Variants in ELOVL2 observed in about 807,000 individuals in gnomAD.
ELOVL2 encodes ELOVL fatty acid elongase 2.
ELOVL2 carries 38 observed loss-of-function variants against 37.7 expected under a neutral mutation model. The observed-to-expected ratio is 1.01, with a 90% CI of 0.78 to 1.32. The LOEUF (loss-of-function observed/expected upper bound fraction) is 1.32, where lower values mean the gene tolerates loss of function less well. Among genes scored for constraint, ELOVL2 ranks in the 40% most tolerant of loss-of-function variants. The pLI is 0.00. For synonymous variants in ELOVL2, 115 were observed against 122.3 expected, an observed-to-expected ratio of 0.94 and a Z score of 0.40; for missense variants, 352 against 363.6, an observed-to-expected ratio of 0.97 and a Z score of 0.26.
intron 1 of ELOVL2, among the ~76,000 whole-genome samples, chr6:11,021,855 T>G (rs751125337): frequency 1.3e-5 from 2 of 152,206 alleles, no homozygotes; most frequent in Non-Finnish European, 2.9e-5. Flanking sequence ...CTCTGCAAAC[T>G]GGCAGGACAG....
chr6:11,009,390 C>G (rs1782534256), intron 2 of ELOVL2, among the ~76,000 whole-genome samples: 1 of 152,210 alleles, frequency 6.6e-6, no homozygotes, highest in South Asian at 2.1e-4. Flanking sequence ...GTGGTCATCT[C>G]TCTATCTGAA....
chr6:10,991,466 G>GTAT (rs1348084869), intron 5 of ELOVL2, among the ~76,000 whole-genome samples: 1 of 152,154 alleles, frequency 6.6e-6, no homozygotes, highest in Non-Finnish European at 1.5e-5. Context: ...TGGAAAATAG[G>GTAT]TATAATAATA....
At position 10,989,811 on chromosome 6, in the gene ELOVL2, G is replaced by A. The variant is rs1581858103; in HGVS notation, c.657C>T (p.His219=). 3.1e-6 allele frequency: 5 copies of A among 1,614,198 alleles called. No homozygotes were observed. The highest frequency in any genetic ancestry group is 2.2e-5 in the South Asian group (2 of 91,086). Residue 219 remains histidine, a synonymous_variant, in exon 7 of 8, where the codon CAC becomes CAT. Coordinates refer to ENST00000354666, the MANE Select transcript of ELOVL2 (RefSeq NM_017770.4). The part of the protein sequence containing the change: ...QLVQFVLTIT[H]TMSAVVKPCG... ...ACGGTTTCACGACGGCGCTCATGGTGTGCGTGATGGTGAGCACGAACTGCA... is the reference window on the plus strand; with the variant it reads ...ACGGTTTCACGACGGCGCTCATGGTATGCGTGATGGTGAGCACGAACTGCA...
intron 5 of ELOVL2, 54 bp downstream of exon 5, chr6:10,994,953 C>G: frequency 7.2e-7 from 1 of 1,381,778 alleles, no homozygotes; most frequent in African/African-American, 1.4e-5. Context: ...AAGACAGCAC[C>G]AGTGGTCTCT....
chr6:11,042,196 C>T (rs1251533844), intron 1 of ELOVL2, among the ~76,000 whole-genome samples: 1 of 151,962 alleles, frequency 6.6e-6, no homozygotes, highest in Middle Eastern at 3.2e-3. Flanking sequence ...GCCTGTAATC[C>T]CAGCTACTCA....
chr6:11,024,427 A>C (rs1332651659), intron 1 of ELOVL2, among the ~76,000 whole-genome samples: 1 of 152,192 alleles, frequency 6.6e-6, no homozygotes, highest in Non-Finnish European at 1.5e-5. Context: ...AATGTTCCTT[A>C]AGTAAATATA....
At chr6:11,019,894 C>T (rs1444605144) in intron 1 of ELOVL2, among the ~76,000 whole-genome samples, 1 of 151,582 alleles carries the variant, frequency 6.6e-6, no homozygotes, top group South Asian at 2.1e-4. Flanking sequence ...CAGGTGTGCA[C>T]CACCACGCCC....
At chr6:11,036,777 C>G (rs938128910) in intron 1 of ELOVL2, among the ~76,000 whole-genome samples, 2 of 152,204 alleles carry the variant, frequency 1.3e-5, no homozygotes, top group African/African-American at 2.4e-5. Context: ...TTGGAGAACA[C>G]TCTGCATAGA....
intron 1 of ELOVL2, among the ~76,000 whole-genome samples, chr6:11,037,078 G>T (rs560158625): frequency 6.8e-6 from 1 of 147,278 alleles, no homozygotes; most frequent in African/African-American, 2.5e-5. Flanking sequence ...GAGGCAGAGA[G>T]GGAAAGAGAC....
At chr6:11,029,223 CAAA>C (rs376639413) in intron 1 of ELOVL2, among the ~76,000 whole-genome samples, 1 of 75,802 alleles carries the variant, frequency 1.3e-5, no homozygotes, top group African/African-American at 5.2e-5. Flanking sequence ...AGGGAGATCT[CAAA>C]AAAAAAAAAA....
chr6:10,984,008 G>T (rs1781993896), intron 7 of ELOVL2, 102 bp from the exon 8 acceptor site: 6 of 1,134,974 alleles, frequency 5.3e-6, no homozygotes, highest in Non-Finnish European at 7.3e-6. Context: ...ATTTTGTTGG[G>T]CGCAGGATTT....
intron 1 of ELOVL2, among the ~76,000 whole-genome samples, chr6:11,043,048 G>A (rs994833424): frequency 6.6e-6 from 1 of 152,266 alleles, no homozygotes; most frequent in Non-Finnish European, 1.5e-5. Context: ...AAATGAAGCA[G>A]GCAAGGGGAA....
intron 5 of ELOVL2, among the ~76,000 whole-genome samples, chr6:10,990,724 A>G (rs1782145155): frequency 6.6e-6 from 1 of 151,106 alleles, no homozygotes; most frequent in Non-Finnish European, 1.5e-5. Flanking sequence ...TGTCTCTTTA[A>G]CCGTCACTAC....
intron 1 of ELOVL2, among the ~76,000 whole-genome samples, chr6:11,040,176 A>G (rs888709677): frequency 1.3e-5 from 2 of 152,236 alleles, no homozygotes; most frequent in African/African-American, 4.8e-5. Flanking sequence ...TGGTGGAATT[A>G]CTAACAGCAA....
At position 10,983,856 on chromosome 6, in the gene ELOVL2, C is replaced by T. The variant is rs1474336193; in HGVS notation, c.816G>A (p.Gly272=). The part of the protein sequence containing the change: ...MKKDMQEPPA[G]KEVKNGFSKA... ...TGGAAAAACCATTCTTCACTTCTTTCCCTGCAGGTGGCTCTTGCATATCTT... is the reference window on the plus strand; with the variant it reads ...TGGAAAAACCATTCTTCACTTCTTTTCCTGCAGGTGGCTCTTGCATATCTT... Residue 272 remains glycine, a synonymous_variant, in exon 8 of 8, where the codon GGG becomes GGA. Coordinates refer to ENST00000354666, the MANE Select transcript of ELOVL2 (RefSeq NM_017770.4). 1.9e-6 allele frequency: 3 copies of T among 1,613,864 alleles called. No homozygotes were observed. Among genetic ancestry groups the T allele is most frequent in the Non-Finnish European group, 2.5e-6 (3 of 1,179,952 alleles).
At chr6:11,011,217 T>A (rs1782574512) in intron 1 of ELOVL2, among the ~76,000 whole-genome samples, 1 of 151,784 alleles carries the variant, frequency 6.6e-6, no homozygotes, top group Admixed American at 6.6e-5. Context: ...ACAAAAAAAA[T>A]TAGCCAGGCA....
intron 1 of ELOVL2, among the ~76,000 whole-genome samples, chr6:11,034,863 C>T (rs1002768985): frequency 5.3e-5 from 8 of 151,626 alleles, no homozygotes; most frequent in East Asian, 3.9e-4. Flanking sequence ...ATTAGCCAAG[C>T]GTGGTGGCAT....
At chr6:11,025,072 T>C (rs1782819784) in intron 1 of ELOVL2, among the ~76,000 whole-genome samples, 1 of 152,180 alleles carries the variant, frequency 6.6e-6, no homozygotes, top group Non-Finnish European at 1.5e-5. Context: ...CACAAAGCAA[T>C]GTTTTTGTAG....
intron 3 of ELOVL2, among the ~76,000 whole-genome samples, chr6:11,001,221 T>G (rs1191866107): frequency 6.6e-6 from 1 of 152,222 alleles, no homozygotes; most frequent in Non-Finnish European, 1.5e-5. Flanking sequence ...TTTGTGAGAC[T>G]TCTTCACTGT....
Sources: gnomAD v4.1 joint callset for allele counts (sites outside exome capture counted in the v4.1 genomes callset) on GRCh38, gnomAD v4.1.1 for gene constraint, MANE v1.5 for transcripts, NCBI Gene and HGNC (gene_info 2026-07-23, HGNC 2026-07-21) for gene names.